IGFBP4: variants seen among roughly 807,000 people sequenced by gnomAD.
IGFBP4 encodes insulin-like growth factor-binding protein 4.
In IGFBP4, 9 loss-of-function variants were observed where a neutral mutation model predicts 25.8. The ratio of observed to expected loss-of-function variants is 0.35; its 90% CI spans 0.21 to 0.61. IGFBP4 has a LOEUF of 0.61. Among genes scored for constraint, IGFBP4 ranks in the 20% least tolerant of loss-of-function variants. The pLI is 0.77. For synonymous variants in IGFBP4, 153 were observed against 153.9 expected (o/e 0.99, Z 0.05); for missense variants, 315 against 365.3 (o/e 0.86, Z 1.12).
At chr17:40,446,971 C>A (rs552120830) in intron 1 of IGFBP4, among the ~76,000 whole-genome samples, 2 of 152,274 alleles carry the variant, frequency 1.3e-5, no homozygotes, top group Non-Finnish European at 2.9e-5. Context: ...AGCCCCTACC[C>A]ACCCATCTTT....
At chr17:40,450,691 ATT>A (rs879909845) in intron 1 of IGFBP4, among the ~76,000 whole-genome samples, 2 of 143,818 alleles carry the variant, frequency 1.4e-5, no homozygotes, top group Non-Finnish European at 3.1e-5. Context: ...GGTCTGACTA[ATT>A]TTTTTTTTTT....
In IGFBP4 at chr17:40,443,924, G is replaced by A. The variant is rs2035625335; in HGVS notation, c.189G>A (p.Leu63=). Residue 63 remains leucine (L), a synonymous_variant, in exon 1 of 4, where the codon TTG becomes TTA. Coordinates refer to ENST00000269593, the MANE Select transcript of IGFBP4 (RefSeq NM_001552.3). ...GTTGCGCCACTTGCGCCCTGGGCTT[G>A]GGGATGCCCTGCGGGGTGTACACCC... ...CGCCATCALG[L]GMPCGVYTPR... is the part of the protein sequence containing the mutation. 1 of 1,531,090 alleles carries A rather than the reference G, an allele frequency of 6.5e-7. No homozygotes were observed. The highest frequency in any genetic ancestry group is 1.4e-5 in the African/African-American group (1 of 72,464). 94.8% of individuals were successfully genotyped at this position (1,531,090 alleles called of 1,614,324 possible).
rs2035699187 is a variant in IGFBP4, at chr17:40,453,753, C to T, written c.508-175C>T. 6.6e-6 allele frequency among the ~76,000 whole-genome samples: 1 copy of T among 152,304 alleles called. No homozygotes were observed. The highest frequency in any genetic ancestry group is 6.5e-5 in the Admixed American group (1 of 15,312). On this transcript the variant is annotated intron_variant, in intron 2 of 3. Transcript: ENST00000269593. This position sits in a 1 kb window ranked among gnomAD's most constrained non-coding sequence, Gnocchi z 4.0. Reference sequence around the variant, plus strand: ...GAGACCCTTTCCTCCACGTCTCTACCCTCCCAGTGTGTCCTCCAGACCCAG... The same window carrying T: ...GAGACCCTTTCCTCCACGTCTCTACTCTCCCAGTGTGTCCTCCAGACCCAG...
chr17:40,452,909 T>G, intron 1 of IGFBP4, 76 bp from the exon 2 acceptor site: 1 of 1,215,238 alleles, frequency 8.2e-7, no homozygotes, highest in South Asian at 2.1e-5. Flanking sequence ...AAGGAGAACG[T>G]GGGTGGGAGG....
intron 1 of IGFBP4, among the ~76,000 whole-genome samples, chr17:40,445,471 C>G (rs370783001): frequency 6.6e-6 from 1 of 152,220 alleles, no homozygotes; most frequent in Non-Finnish European, 1.5e-5. Context: ...GGACCCAAAC[C>G]CTCCACTTCC....
intron 1 of IGFBP4, among the ~76,000 whole-genome samples, chr17:40,444,706 G>A (rs1285504309): frequency 6.6e-6 from 1 of 152,076 alleles, no homozygotes; most frequent in Non-Finnish European, 1.5e-5. Flanking sequence ...GGACACCTCT[G>A]CCTGCCCTGG....
In IGFBP4 at chr17:40,443,633, A is replaced by G. The variant is rs1482796158; in HGVS notation, c.-103A>G. The G allele has an allele frequency of 2.2e-6, 1 of 461,128 alleles. No homozygotes were observed. The highest frequency in any genetic ancestry group is 1.3e-4 in the East Asian group (1 of 7,654). The allele number at this position is 461,128 out of a possible 1,614,324, so 28.6% of individuals were successfully genotyped here. ...CGCCCTCCGGGTCGGGTCCTCCAGG[A>G]GCGCCAGGCGCTGCCGCCGTGTGCC... On this transcript the variant is annotated 5_prime_UTR_variant, in exon 1 of 4. Coordinates refer to ENST00000269593, the MANE Select transcript of IGFBP4 (RefSeq NM_001552.3).
At chr17:40,456,246 C>T (rs2035713299) in intron 3 of IGFBP4, among the ~76,000 whole-genome samples, 1 of 152,208 alleles carries the variant, frequency 6.6e-6, no homozygotes, top group African/African-American at 2.4e-5. Context: ...CCAGAACTCT[C>T]TGGACCTTTC....
chr17:40,455,889 T>C (rs1028814028), intron 3 of IGFBP4, among the ~76,000 whole-genome samples: 3 of 152,320 alleles, frequency 2.0e-5, no homozygotes, highest in Admixed American at 6.5e-5. Context: ...CACTGAAATA[T>C]ACATTTGCGC....
intron 3 of IGFBP4, 94 bp from the exon 4 acceptor site, chr17:40,456,355 G>C: frequency 7.3e-7 from 1 of 1,376,754 alleles, no homozygotes; most frequent in Non-Finnish European, 1.0e-6. Context: ...GCGACCGTCT[G>C]ACTTGGGGGC....
At position 40,453,193 on chromosome 17, in the gene IGFBP4, CAT is replaced by C. The variant is rs1491264277; in HGVS notation, c.507+52_507+53del. On this transcript the variant is annotated intron_variant, in intron 2 of 3. Transcript: ENST00000269593. This position sits in a 1 kb window ranked among gnomAD's most constrained non-coding sequence, Gnocchi z 4.0. ...GCATGTGCATAGACACACACACACACATGCCCCCTGCCCCCCACATGCACGCA... is the reference window on the plus strand; with the variant it reads ...GCATGTGCATAGACACACACACACACGCCCCCTGCCCCCCACATGCACGCA... The C allele has an allele frequency of 4.3e-6, 6 of 1,382,062 alleles. No individual in the cohort carries two copies. In the African/African-American group the frequency reaches 7.4e-5, roughly 17 times the overall value. 85.6% of individuals were successfully genotyped at this position (1,382,062 alleles called of 1,614,324 possible).
intron 1 of IGFBP4, among the ~76,000 whole-genome samples, chr17:40,452,190 G>A (rs2035687319): frequency 6.6e-6 from 1 of 152,164 alleles, no homozygotes; most frequent in South Asian, 2.1e-4. Context: ...TCCCACAGAG[G>A]GGTTGAAGGT....
At position 40,453,887 on chromosome 17, in the gene IGFBP4, C is replaced by G; in HGVS notation, c.508-41C>G. On this transcript the variant is annotated intron_variant, in intron 2 of 3. Coordinates refer to ENST00000269593, the MANE Select transcript of IGFBP4 (RefSeq NM_001552.3). The surrounding 1 kb of genome is among the most constrained non-coding windows in gnomAD (Gnocchi z 4.0). Reference sequence around the variant, plus strand: ...GACCCCAGGCCTGGGCCTCCTGCCTCTCTTCCTTCTGCTGAGCAATTTTGT... The same window carrying G: ...GACCCCAGGCCTGGGCCTCCTGCCTGTCTTCCTTCTGCTGAGCAATTTTGT... 1 of 1,521,226 alleles carries G rather than the reference C, an allele frequency of 6.6e-7. No individual in the cohort carries two copies. Among genetic ancestry groups the G allele is most frequent in the Non-Finnish European group, 9.0e-7 (1 of 1,113,864 alleles). 94.2% of individuals were successfully genotyped at this position (1,521,226 alleles called of 1,614,324 possible).
chr17:40,447,344 A>G (rs576059782), intron 1 of IGFBP4, among the ~76,000 whole-genome samples: 4 of 152,352 alleles, frequency 2.6e-5, no homozygotes, highest in African/African-American at 9.6e-5. Context: ...GCATCCTGGT[A>G]CTGATCCTAG....
chr17:40,443,870 G>C lies in IGFBP4; in HGVS notation c.135G>C (p.Glu45Asp), dbSNP rs1349720179. Residue 45 changes from glutamate to aspartate, a missense_variant, in exon 1 of 4, where the codon GAG becomes GAC. Physicochemically the swap from Glu to Asp is conservative, Grantham distance 45. Transcript: ENST00000269593. ...GCTGCCGCCCCCCCGTGGGCTGCGA[G>C]GAGCTGGTGCGAGAGCCGGGCTGCG... ...LARCRPPVGC[E>D]ELVREPGCGC... 4.6e-6 allele frequency: 7 copies of C among 1,531,070 alleles called. No homozygotes were observed. Among genetic ancestry groups the C allele is most frequent in the African/African-American group, 1.4e-5 (1 of 72,498 alleles). The allele number at this position is 1,531,070 out of a possible 1,614,324, so 94.8% of individuals were successfully genotyped here. A position where few individuals can be genotyped will look rare whatever the true frequency, so the allele number is the denominator to read the frequency against.
intron 1 of IGFBP4, among the ~76,000 whole-genome samples, chr17:40,445,424 C>T (rs1486309410): frequency 6.6e-6 from 1 of 152,190 alleles, no homozygotes; most frequent in Non-Finnish European, 1.5e-5. Flanking sequence ...TGTTGCAGTC[C>T]GGATGCTGGG....
chr17:40,444,805 CAT>C (rs2035631214), intron 1 of IGFBP4, among the ~76,000 whole-genome samples: 1 of 150,776 alleles, frequency 6.6e-6, no homozygotes, highest in East Asian at 2.0e-4. Context: ...GCAGGAGCCT[CAT>C]GTGTGTGGGA....
chr17:40,448,686 C>A (rs1244334266), intron 1 of IGFBP4, among the ~76,000 whole-genome samples: 1 of 152,130 alleles, frequency 6.6e-6, no homozygotes, highest in African/African-American at 2.4e-5. Flanking sequence ...ATGCTATAAC[C>A]CTTACCCCCA....
intron 1 of IGFBP4, among the ~76,000 whole-genome samples, chr17:40,451,752 G>A (rs1256578679): frequency 6.6e-6 from 1 of 152,206 alleles, no homozygotes; most frequent in Non-Finnish European, 1.5e-5. Context: ...CTGTATTCTG[G>A]TTTTGACTGC....
Sources: gnomAD v4.1 joint callset for allele counts (sites outside exome capture counted in the v4.1 genomes callset) on GRCh38, gnomAD v4.1.1 for gene constraint, Gnocchi (gnomAD v3.1) non-coding constraint, MANE v1.5 for transcripts, NCBI Gene and HGNC (gene_info 2026-07-23, HGNC 2026-07-21) for gene names.